The following DAAM2 variants were observed in gnomAD, a reference collection of about 807,000 sequenced individuals.
The protein encoded by DAAM2 is dishevelled associated activator of morphogenesis 2, also known as disheveled-associated activator of morphogenesis 2.
A neutral mutation model predicts 120.7 loss-of-function variants in DAAM2; 39 were observed. That is an observed-to-expected ratio of 0.32 (90% CI 0.25 to 0.42). The LOEUF (loss-of-function observed/expected upper bound fraction) is 0.42. Ranked by LOEUF, DAAM2 falls within the 10% of genes least tolerant of loss-of-function variation. The pLI, the probability that DAAM2 is intolerant of heterozygous loss-of-function variation, is 1.00. For missense variants in DAAM2, 1,283 were observed against 1,401.7 expected, an observed-to-expected ratio of 0.92 and a Z score of 1.35; for synonymous variants, 488 against 524.9, an observed-to-expected ratio of 0.93 and a Z score of 0.96.
intron 10 of DAAM2, among the ~76,000 whole-genome samples, chr6:39,874,995 T>C (rs1024120334): frequency 1.3e-5 from 2 of 152,190 alleles, no homozygotes; most frequent in African/African-American, 4.8e-5. Context: ...GTGGTTTTTA[T>C]AGATAATGTA....
intron 1 of DAAM2, among the ~76,000 whole-genome samples, chr6:39,827,449 T>A (rs1278875579): frequency 6.6e-6 from 1 of 151,966 alleles, no homozygotes; most frequent in Non-Finnish European, 1.5e-5. Context: ...GGAGCTGAAG[T>A]GGGGCGGGGG....
chr6:39,901,819 G>C lies in DAAM2; in HGVS notation c.2989G>C (p.Glu997Gln). The change falls in exon 25 of 25, where the codon GAG becomes CAG. Residue 997 changes from glutamate to glutamine, a missense_variant. By Grantham distance (29) the Glu-to-Gln change is conservative. Transcript: ENST00000274867. The surrounding 1 kb of genome is among the most constrained non-coding windows in gnomAD (Gnocchi z 4.5). ...RRARMEAMLK[E>Q]QRERERWQRQ... ...TTTGGCCCCCCGCCCGCAGCTGAAG[G>C]AGCAGAGGGAACGTGAGCGGTGGCA... 6.5e-7 allele frequency: 1 copy of C among 1,542,200 alleles called. No individual in the cohort carries two copies. The highest frequency in any genetic ancestry group is 2.3e-5 in the East Asian group (1 of 43,910).
At chr6:39,816,541 C>T (rs922779904) in intron 1 of DAAM2, among the ~76,000 whole-genome samples, 1 of 152,188 alleles carries the variant, frequency 6.6e-6, no homozygotes, top group Admixed American at 6.5e-5. Flanking sequence ...TCTCTGGGGG[C>T]AGGGGGTGTG....
chr6:39,808,903 A>G (rs1354510817), intron 1 of DAAM2, among the ~76,000 whole-genome samples: 4 of 152,196 alleles, frequency 2.6e-5, no homozygotes, highest in Non-Finnish European at 4.4e-5. Context: ...AAAGACAAAA[A>G]TCATGAAATT....
chr6:39,887,378 T>G, intron 15 of DAAM2, 108 bp from the exon 16 acceptor site: 1 of 711,928 alleles, frequency 1.4e-6, no homozygotes, highest in Admixed American at 2.4e-5. Context: ...CCCCTTCCCC[T>G]CACACCAGGA....
intron 13 of DAAM2, 113 bp from the exon 14 acceptor site, chr6:39,879,065 A>G (rs1764997412): frequency 2.9e-6 from 2 of 685,560 alleles, no homozygotes; most frequent in Non-Finnish European, 4.9e-6. Flanking sequence ...AGATAAGGGT[A>G]GGATTTGGGG....
In DAAM2 at chr6:39,896,954, C is replaced by T. The variant is rs3008815; in HGVS notation, c.2484C>T (p.Ile828=). 0.52 allele frequency: 830,434 copies of T among 1,610,908 alleles called. 215,803 individuals carry two copies. The highest frequency in any genetic ancestry group is 0.6 in the Middle Eastern group (3,603 of 6,044). ...TCCGGGTGGCCAGCCTCAACAAGAT[C>T]GCTGACACCAAGTCCAGCATCGACA... ...YGFRVASLNK[I]ADTKSSIDRN... The change falls in exon 20 of 25, where the codon ATC becomes ATT. Residue 828 remains isoleucine (I), a synonymous_variant. Transcript: ENST00000274867.
chr6:39,865,728 G>T (rs1055161262), intron 5 of DAAM2, among the ~76,000 whole-genome samples: 3 of 152,206 alleles, frequency 2.0e-5, no homozygotes, highest in Non-Finnish European at 4.4e-5. Flanking sequence ...TTGTAAGCTG[G>T]TTGTTAAACG....
chr6:39,891,356 C>A lies in DAAM2; in HGVS notation c.2161C>A (p.Pro721Thr). ...CTCTTTGCAGCTCCTCAAGTTCATC[C>A]CAGAGAAGAGTGACATTGACCTCCT... ...DMLEQLLKFIPEKSDIDLLEE... is the reference protein window; with the variant it reads ...DMLEQLLKFITEKSDIDLLEE... The change falls in exon 18 of 25, where the codon CCA becomes ACA. Residue 721 changes from proline to threonine, a missense_variant. Pro to Thr is a conservative substitution (Grantham distance 38, BLOSUM62 -1). Around this residue, in one of 3 missense-constraint regions of DAAM2, gnomAD observed 748 missense variants for 768.6 expected, o/e 0.97. Transcript: ENST00000274867. The A allele has an allele frequency of 6.2e-7, 1 of 1,608,972 alleles. No individual in the cohort carries two copies. Among genetic ancestry groups the A allele is most frequent in the Non-Finnish European group, 8.5e-7 (1 of 1,177,504 alleles).
At chr6:39,851,885 G>C (rs1158438641) in intron 1 of DAAM2, among the ~76,000 whole-genome samples, 1 of 152,236 alleles carries the variant, frequency 6.6e-6, no homozygotes, top group Non-Finnish European at 1.5e-5. Context: ...ACTCCCGCTG[G>C]TGAGTGACAG....
chr6:39,800,696 C>A (rs534392325), intron 1 of DAAM2, among the ~76,000 whole-genome samples: 1 of 152,328 alleles, frequency 6.6e-6, no homozygotes, highest in African/African-American at 2.4e-5. Context: ...CTGGGTCACC[C>A]TGAAACCAAT....
Position 39,891,688 on chromosome 6 carries a change from G to T in DAAM2, c.2307G>T (p.Gln769His). 5 of 1,608,540 alleles carry T rather than the reference G, an allele frequency of 3.1e-6. No homozygotes were observed. The highest frequency in any genetic ancestry group is 4.2e-6 in the Non-Finnish European group (5 of 1,177,490). Residue 769 changes from glutamine to histidine, a missense_variant, in exon 19 of 25, where the codon CAG (glutamine) becomes CAT (histidine). By Grantham distance (24) the Gln-to-His change is conservative. Around this residue, in one of 3 missense-constraint regions of DAAM2, gnomAD observed 748 missense variants for 768.6 expected, o/e 0.97. Coordinates refer to ENST00000274867, the MANE Select transcript of DAAM2 (RefSeq NM_001201427.2). The part of the protein sequence containing the change: ...LQALFFKKKF[Q>H]ERLAEAKPKV... ...CCCTCTTCTTCAAGAAGAAATTCCA[G>T]GAGCGGCTGGCTGAGGCAAAGCCCA...
At chr6:39,816,378 C>CA (rs1352795975) in intron 1 of DAAM2, among the ~76,000 whole-genome samples, 1 of 152,194 alleles carries the variant, frequency 6.6e-6, no homozygotes, top group Non-Finnish European at 1.5e-5. Flanking sequence ...CACAGGTTCT[C>CA]AATCTTGATA....
At chr6:39,863,048 C>T (rs980761606) in intron 3 of DAAM2, among the ~76,000 whole-genome samples, 32 of 151,264 alleles carry the variant, frequency 2.1e-4, no homozygotes, top group African/African-American at 7.7e-4. Context: ...GATGGATCAC[C>T]CCCCAAGGTC....
In DAAM2 at chr6:39,903,538, C is replaced by T. The variant is rs1226040124; in HGVS notation, c.*1501C>T. 6.6e-6 allele frequency: 1 copy of T among 152,422 alleles called. No homozygotes were observed. Among genetic ancestry groups the T allele is most frequent in the Non-Finnish European group, 1.5e-5 (1 of 68,250 alleles). 9.4% of individuals were successfully genotyped at this position (152,422 alleles called of 1,614,324 possible). ...TATTCAATACCACGTTCCGAGTTGG[C>T]CTTTCATCTTCTTTGAGACTGGCCC... On this transcript the variant is annotated 3_prime_UTR_variant, in exon 25 of 25. Transcript: ENST00000274867.
intron 1 of DAAM2, among the ~76,000 whole-genome samples, chr6:39,814,775 A>G (rs1762261830): frequency 6.6e-6 from 1 of 152,178 alleles, no homozygotes; most frequent in African/African-American, 2.4e-5. Context: ...AGTGTGTATC[A>G]AGGAGATTTG....
chr6:39,829,192 G>T (rs1046874306), intron 1 of DAAM2, among the ~76,000 whole-genome samples: 3 of 152,234 alleles, frequency 2.0e-5, no homozygotes, highest in African/African-American at 7.2e-5. Context: ...TACTTTTGTT[G>T]ATGGCAGGGG....
chr6:39,900,503 A>G (rs966250722), intron 23 of DAAM2, among the ~76,000 whole-genome samples: 4 of 152,210 alleles, frequency 2.6e-5, no homozygotes, highest in African/African-American at 9.6e-5. Context: ...CGCTAAAATC[A>G]GAGATGCTAA....
chr6:39,897,348 T>C, intron 21 of DAAM2, 66 bp downstream of exon 21: 1 of 1,088,926 alleles, frequency 9.2e-7, no homozygotes, highest in Non-Finnish European at 1.4e-6. Context: ...ACTTTCCTCT[T>C]TTGGGGTCTA....
Sources: allele counts gnomAD v4.1 joint callset (sites outside exome capture counted in the v4.1 genomes callset), GRCh38; gene constraint gnomAD v4.1.1; regional missense constraint gnomAD v4.1.1; non-coding constraint Gnocchi (gnomAD v3.1); transcripts MANE v1.5; gene names NCBI Gene and HGNC (gene_info 2026-07-23, HGNC 2026-07-21).